TTLL10: variants seen among roughly 807,000 people sequenced by gnomAD.
TTLL10 encodes inactive polyglycylase TTLL10.
In TTLL10, 61 loss-of-function variants were observed where a neutral mutation model predicts 69.0. That is an observed-to-expected ratio of 0.88 (90% CI 0.72 to 1.09). The LOEUF is 1.09. Among genes scored for constraint, TTLL10 ranks in the 50% least tolerant of loss-of-function variants. TTLL10 has a pLI of 0.00. For synonymous variants in TTLL10, 408 were observed against 393.3 expected (o/e 1.04, Z -0.44); for missense variants, 962 against 945.9 (o/e 1.02, Z -0.22).
intron 13 of TTLL10, among the ~76,000 whole-genome samples, chr1:1,189,085 A>T (rs565285305): frequency 1.3e-5 from 2 of 152,186 alleles, no homozygotes; most frequent in Non-Finnish European, 2.9e-5. Context: ...GGATCATGTC[A>T]TCTGGAATAG....
chr1:1,180,512 G>A lies in TTLL10; in HGVS notation c.536G>A (p.Trp179Ter), dbSNP rs1240706542. 25 of 1,552,932 alleles carry A rather than the reference G, an allele frequency of 1.6e-5. No individual in the cohort carries two copies. Among genetic ancestry groups the A allele is most frequent in the Non-Finnish European group, 2.2e-5 (25 of 1,148,106 alleles). ...AGCTCCTACTGCAAAAGCAAGGGCT[G>A]GCAGCGCATCCATGACAGCCGCCGG... ...IISSYCKSKG[W>*]QRIHDSRRDD... The change falls in exon 7 of 16, where the codon TGG (tryptophan) becomes TAG (stop). Residue 179 changes from tryptophan (W) to a stop codon, truncating the protein, a stop_gained. Transcript: ENST00000379289. LOFTEE classifies it high-confidence loss of function.
chr1:1,183,878 G>T (rs1157597857), intron 11 of TTLL10, 42 bp from the exon 12 acceptor site: 1 of 1,611,018 alleles, frequency 6.2e-7, no homozygotes, highest in South Asian at 1.1e-5. Flanking sequence ...GGCCAGGCTG[G>T]CCCCGTGGCT....
Position 1,197,645 on chromosome 1 carries a change from C to T in TTLL10, c.1820C>T (p.Pro607Leu), listed in dbSNP as rs1313999472. ...CCCATGCCGCATGCCCCAGACCAGC[C>T]GGGCGCCCGCAGGCCTGCGCCACCT... ...GPPMPHAPDQ[P>L]GARRPAPPPL... The change falls in exon 16 of 16, where the codon CCG (proline) becomes CTG (leucine). Residue 607 changes from proline (P) to leucine (L), a missense_variant. By Grantham distance (98) the Pro-to-Leu change is moderately conservative. Transcript: ENST00000379289. The T allele has an allele frequency of 9.3e-6, 14 of 1,501,546 alleles. No individual in the cohort carries two copies. The highest frequency in any genetic ancestry group is 2.2e-5 in the Admixed American group (1 of 46,406). 93.0% of individuals were successfully genotyped at this position (1,501,546 alleles called of 1,614,324 possible). A position where few individuals can be genotyped will look rare whatever the true frequency, so the allele number is the denominator to read the frequency against.
rs1336413027 is a variant in TTLL10 at position 1,180,070 on chromosome 1, A to T, written c.236A>T (p.Glu79Val). Reference sequence around the variant, plus strand: ...GAGAGGCCAATGGGGAGCAGCCAGGAGGAGGGACTCCGGTGTCAGCCAAGC... The same window carrying T: ...GAGAGGCCAATGGGGAGCAGCCAGGTGGAGGGACTCCGGTGTCAGCCAAGC... Reference protein sequence around the residue: ...AHERPMGSSQEEGLRCQPSQP... With the variant: ...AHERPMGSSQVEGLRCQPSQP... Residue 79 changes from glutamate (E) to valine (V), a missense_variant, in exon 6 of 16, where the codon GAG becomes GTG. Glu to Val is a moderately radical substitution (Grantham distance 121). Coordinates refer to ENST00000379289, the MANE Select transcript of TTLL10 (RefSeq NM_001130045.2). 3 of 1,598,110 alleles carry T rather than the reference A, an allele frequency of 1.9e-6. No individual in the cohort carries two copies. The highest frequency in any genetic ancestry group is 2.6e-6 in the Non-Finnish European group (3 of 1,171,850).
At chr1:1,175,485 G>C in intron 3 of TTLL10, 2 of 364,892 alleles carry the variant, frequency 5.5e-6, no homozygotes, top group Non-Finnish European at 1.1e-5. Context: ...ATGATGTTTG[G>C]GGCAGAGCTG....
In TTLL10 at chr1:1,175,326, GT is replaced by G. The variant is rs1264690173; in HGVS notation, c.-28+838del. 2.8e-5 allele frequency: 7 copies of G among 247,394 alleles called. No homozygotes were observed. In the East Asian group the frequency reaches 7.6e-4, roughly 27 times the overall value. The allele number at this position is 247,394 out of a possible 1,614,324, so 15.3% of individuals were successfully genotyped here. A position where few individuals can be genotyped will look rare whatever the true frequency, so the allele number is the denominator to read the frequency against. ...CGGAGGCAGTTTCCTGGGTGGGGGG[GT>G]GGGTGCTGTGCTTCCGCTTTCTAAC... On this transcript the variant is annotated intron_variant, in intron 3 of 15. Transcript: ENST00000379289.
At chr1:1,182,835 G>A (rs564690970) in intron 10 of TTLL10, 41 bp from the exon 11 acceptor site, 26 of 1,514,392 alleles carry the variant, frequency 1.7e-5, no homozygotes, top group Middle Eastern at 3.4e-4. Flanking sequence ...GCGTGGCTGG[G>A]TTGGGGGCGA....
At chr1:1,186,829 A>C (rs1647360219) in intron 13 of TTLL10, among the ~76,000 whole-genome samples, 1 of 149,854 alleles carries the variant, frequency 6.7e-6, no homozygotes, top group Admixed American at 6.8e-5. Flanking sequence ...CAGTTGTGAA[A>C]GTTTTTTTTG....
At chr1:1,178,729 G>A (rs1003811899) in intron 3 of TTLL10, among the ~76,000 whole-genome samples, 11 of 152,144 alleles carry the variant, frequency 7.2e-5, no homozygotes, top group Non-Finnish European at 1.5e-4. Context: ...GCACCCAGGG[G>A]CGGCCGCAGA....
intron 9 of TTLL10, 22 bp from the exon 10 acceptor site, chr1:1,182,339 C>T: frequency 6.2e-7 from 1 of 1,608,328 alleles, no homozygotes; most frequent in South Asian, 1.1e-5. Context: ...GCAGCTCATC[C>T]TCCTGCCTCC....
Position 1,181,643 on chromosome 1 carries a change from C to T in TTLL10, c.756-98C>T, listed in dbSNP as rs148356014. 1.6e-5 allele frequency: 18 copies of T among 1,122,778 alleles called. No homozygotes were observed. The highest frequency in any genetic ancestry group is 7.8e-5 in the East Asian group (3 of 38,232). 69.6% of individuals were successfully genotyped at this position (1,122,778 alleles called of 1,614,324 possible). A position where few individuals can be genotyped will look rare whatever the true frequency, so the allele number is the denominator to read the frequency against. ...CCTCCTTCCACCACAACTCACAGTC[C>T]GCCCACTCACCACCCATGCCCCATC... On this transcript the variant is annotated intron_variant, in intron 8 of 15. Coordinates refer to ENST00000379289, the MANE Select transcript of TTLL10 (RefSeq NM_001130045.2). This position sits in a 1 kb window ranked among gnomAD's most constrained non-coding sequence, Gnocchi z 4.6.
At chr1:1,188,594 C>T (rs1325810180) in intron 13 of TTLL10, among the ~76,000 whole-genome samples, 5 of 151,898 alleles carry the variant, frequency 3.3e-5, no homozygotes, top group Non-Finnish European at 7.4e-5. Flanking sequence ...TAGCAGAGAC[C>T]AGGTTTCACT....
At chr1:1,190,316 C>G (rs1273135206) in intron 13 of TTLL10, among the ~76,000 whole-genome samples, 15 of 151,158 alleles carry the variant, frequency 9.9e-5, no homozygotes, top group Non-Finnish European at 1.5e-5. Flanking sequence ...TTCAATGAAC[C>G]AACTCCTGGT....
chr1:1,197,554 G>A lies in TTLL10; in HGVS notation c.1729G>A (p.Gly577Arg). The change falls in exon 16 of 16, where the codon GGG becomes AGG. Residue 577 changes from glycine to arginine, a missense_variant. Physicochemically the swap from Gly to Arg is moderately radical, Grantham distance 125 (BLOSUM62 -2). Transcript: ENST00000379289. Reference sequence around the variant, plus strand: ...TGAGGCCGACCCGCGGCCGCACCTGGGGGGCTCGTGCAGCCTCCGCCGCTG... The same window carrying A: ...TGAGGCCGACCCGCGGCCGCACCTGAGGGGCTCGTGCAGCCTCCGCCGCTG... ...NGEADPRPHLGGSCSLRRWPP... is the reference protein window; with the variant it reads ...NGEADPRPHLRGSCSLRRWPP... The A allele has an allele frequency of 3.9e-6, 6 of 1,521,850 alleles. No homozygotes were observed. Among genetic ancestry groups the A allele is most frequent in the Non-Finnish European group, 5.3e-6 (6 of 1,139,190 alleles). The allele number at this position is 1,521,850 out of a possible 1,614,324, so 94.3% of individuals were successfully genotyped here. A position where few individuals can be genotyped will look rare whatever the true frequency, so the allele number is the denominator to read the frequency against.
At position 1,180,021 on chromosome 1, in the gene TTLL10, A is replaced by G. The variant is rs967705931; in HGVS notation, c.200-13A>G. 2.6e-6 allele frequency: 4 copies of G among 1,515,922 alleles called. No individual in the cohort carries two copies. The Admixed American group carries it at 8.7e-5, about 33-fold the overall frequency. 93.9% of individuals were successfully genotyped at this position (1,515,922 alleles called of 1,614,324 possible). A position where few individuals can be genotyped will look rare whatever the true frequency, so the allele number is the denominator to read the frequency against. ...CCCGTAGCCACCCCGGTGGGACCCC[A>G]CCCCGTTCACAGGCCCGGCCCACGA... On this transcript the variant is annotated splice_polypyrimidine_tract_variant and intron_variant, in intron 5 of 15. Coordinates refer to ENST00000379289, the MANE Select transcript of TTLL10 (RefSeq NM_001130045.2).
rs1477394443 is a variant in TTLL10, at chr1:1,183,998, C to T, written c.1167C>T (p.Pro389=). ...RSYLLIACTT[P]YMIFFGHGYA... is the part of the protein sequence containing the mutation. The stretch of plus-strand genomic sequence containing the variant: ...ACCTGCTCATTGCCTGCACCACACC[C>T]TACATGATCTTCTTTGGCCACGGCT... The change falls in exon 12 of 16, where the codon CCC becomes CCT. Residue 389 remains proline, a synonymous_variant. Transcript: ENST00000379289. 1.2e-6 allele frequency: 2 copies of T among 1,614,222 alleles called. No individual in the cohort carries two copies. The highest frequency in any genetic ancestry group is 2.2e-5 in the East Asian group (1 of 44,888).
Position 1,181,732 on chromosome 1 carries a change from G to A in TTLL10, c.756-9G>A. ...CCTCAGTCCAGGCCCTCTGTCCCCT[G>A]GGCTGCAGGCTGGAAAAGGACGCAG... On this transcript the variant is annotated splice_polypyrimidine_tract_variant and intron_variant, in intron 8 of 15. Transcript: ENST00000379289. The surrounding 1 kb of genome is among the most constrained non-coding windows in gnomAD (Gnocchi z 4.6). 1 of 1,591,386 alleles carries A rather than the reference G, an allele frequency of 6.3e-7. No homozygotes were observed. Among genetic ancestry groups the A allele is most frequent in the Non-Finnish European group, 8.5e-7 (1 of 1,170,280 alleles).
Position 1,184,077 on chromosome 1 carries a change from C to T in TTLL10, c.1246C>T (p.His416Tyr). 1 of 1,614,216 alleles carries T rather than the reference C, an allele frequency of 6.2e-7. No homozygotes were observed. Among genetic ancestry groups the T allele is most frequent in the Non-Finnish European group, 8.5e-7 (1 of 1,180,020 alleles). ...YDPHSSDLGG[H>Y]LTNQFMQKKS... ...CCCCCATTCCAGCGACCTCGGCGGCCACTTGACCAACCAGGTGAGTCTGCC... is the reference window on the plus strand; with the variant it reads ...CCCCCATTCCAGCGACCTCGGCGGCTACTTGACCAACCAGGTGAGTCTGCC... The change falls in exon 12 of 16, where the codon CAC (histidine) becomes TAC (tyrosine). Residue 416 changes from histidine to tyrosine, a missense_variant. His to Tyr is a moderately conservative substitution (Grantham distance 83). Coordinates refer to ENST00000379289, the MANE Select transcript of TTLL10 (RefSeq NM_001130045.2).
rs572064116 is a variant in TTLL10 at position 1,175,651 on chromosome 1, C to T, written c.-28+1162C>T. The T allele has an allele frequency of 5.3e-5, 24 of 454,324 alleles. No individual in the cohort carries two copies. In the Middle Eastern group the frequency reaches 9.8e-4, roughly 19 times the overall value. 28.1% of individuals were successfully genotyped at this position (454,324 alleles called of 1,614,324 possible). A position where few individuals can be genotyped will look rare whatever the true frequency, so the allele number is the denominator to read the frequency against. On this transcript the variant is annotated intron_variant, in intron 3 of 15. Transcript: ENST00000379289. ...ACCATCACCACAGCCCTGCAGACTG[C>T]GCAGTGTGTGGCGGGTGCTGTCCTG...
Sources: gnomAD v4.1 joint callset for allele counts (sites outside exome capture counted in the v4.1 genomes callset) on GRCh38, gnomAD v4.1.1 for gene constraint, Gnocchi (gnomAD v3.1) non-coding constraint, MANE v1.5 for transcripts, NCBI Gene and HGNC (gene_info 2026-07-23, HGNC 2026-07-21) for gene names.